The following TRPV1 variants were observed in gnomAD, a reference collection of about 807,000 sequenced individuals.
TRPV1 encodes the protein OTRPC1.
In TRPV1, 82 loss-of-function variants were observed where a neutral mutation model predicts 82.3. The observed-to-expected ratio is 1.00, with a 90% confidence interval of 0.83 to 1.20. The LOEUF is 1.20. Among genes scored for constraint, TRPV1 ranks in the 50% most tolerant of loss-of-function variants. The pLI, the probability that TRPV1 is intolerant of heterozygous loss-of-function variation, is 0.00. For missense variants in TRPV1, 1,067 were observed against 1,096.8 expected, an observed-to-expected ratio of 0.97 and a Z score of 0.38; for synonymous variants, 515 against 467.7, an observed-to-expected ratio of 1.10 and a Z score of -1.30.
At chr17:3,605,268 C>T (rs745315523) in intron 2 of TRPV1, among the ~76,000 whole-genome samples, 2 of 152,148 alleles carry the variant, frequency 1.3e-5, no homozygotes, top group South Asian at 2.1e-4. Flanking sequence ...CAGCACTTTC[C>T]GAGGCCGAGG....
chr17:3,581,245 G>C (rs906901621), intron 10 of TRPV1, among the ~76,000 whole-genome samples: 1 of 151,944 alleles, frequency 6.6e-6, no homozygotes, highest in African/African-American at 2.4e-5. Flanking sequence ...GATTACAAGC[G>C]TGAGCCACCT....
intron 2 of TRPV1, 82 bp from the exon 3 acceptor site, chr17:3,592,465 G>T: frequency 2.2e-6 from 3 of 1,363,608 alleles, no homozygotes; most frequent in Non-Finnish European, 2.9e-6. Context: ...CTTGCCAAGG[G>T]CCCTGTGAAG....
chr17:3,574,480 T>C (rs1348175009), intron 13 of TRPV1, among the ~76,000 whole-genome samples: 1 of 152,152 alleles, frequency 6.6e-6, no homozygotes, highest in East Asian at 1.9e-4. Flanking sequence ...ATGCAGGGCC[T>C]TCAGATCCAG....
intron 2 of TRPV1, among the ~76,000 whole-genome samples, chr17:3,593,980 T>C (rs1461802661): frequency 6.6e-6 from 1 of 151,492 alleles, no homozygotes; most frequent in East Asian, 1.9e-4. Flanking sequence ...ATACAAAAAT[T>C]AGCCGGGCGT....
At chr17:3,589,428 C>T (rs2075125986) in intron 7 of TRPV1, among the ~76,000 whole-genome samples, 1 of 152,066 alleles carries the variant, frequency 6.6e-6, no homozygotes, top group African/African-American at 2.4e-5. Flanking sequence ...TCTCGAACTC[C>T]TAACCTCAGG....
chr17:3,593,081 CGTGTGTGTGTGTGTGT>C (rs57419633), intron 2 of TRPV1, among the ~76,000 whole-genome samples: 39,332 of 112,296 alleles, frequency 0.35, 6,258 homozygotes, highest in Non-Finnish European at 0.41. Flanking sequence ...AATGTTTAGG[CGTGTGTGTGTGTGTGT>C]GTGTGTGTGT....
At position 3,590,002 on chromosome 17, in the gene TRPV1, C is replaced by T. The variant is rs540881344; in HGVS notation, c.849G>A (p.Ser283=). The change falls in exon 7 of 17, where the codon TCG becomes TCA. Residue 283 remains serine, a synonymous_variant. Transcript: ENST00000572705. ...WQTADISARD[S]VGNTVLHALV... is the part of the protein sequence containing the mutation. ...GGGCGTGCAGCACCGTGTTGCCCAC[C>T]GAGTCCCTGGCGCTGATGTCGGCCG... The T allele has an allele frequency of 1.3e-5, 20 of 1,561,242 alleles. No individual in the cohort carries two copies. The highest frequency in any genetic ancestry group is 9.7e-5 in the East Asian group (4 of 41,408).
At position 3,583,820 on chromosome 17, in the gene TRPV1, T is replaced by C. The variant is rs576871366; in HGVS notation, c.1384-390A>G. Among the ~76,000 whole-genome samples, 7 of 152,282 alleles carry C rather than the reference T, an allele frequency of 4.6e-5. No homozygotes were observed. In the South Asian group the frequency reaches 1.5e-3, roughly 32 times the overall value. On this transcript the variant is annotated intron_variant, in intron 9 of 16. Coordinates refer to ENST00000572705, the MANE Select transcript of TRPV1 (RefSeq NM_080704.4). The stretch of plus-strand genomic sequence containing the variant: ...GCCCATGGCCAGTCTCCCACGAGTG[T>C]CAGGGACTCCCACTGACCATGGAGG...
At chr17:3,570,455 A>C (rs1436330503) in intron 16 of TRPV1, among the ~76,000 whole-genome samples, 2 of 152,148 alleles carry the variant, frequency 1.3e-5, no homozygotes, top group East Asian at 3.8e-4. Context: ...ACTAAACTGT[A>C]CACTTCAAAA....
At chr17:3,604,352 C>T (rs1468767386) in intron 2 of TRPV1, among the ~76,000 whole-genome samples, 1 of 152,138 alleles carries the variant, frequency 6.6e-6, no homozygotes, top group Non-Finnish European at 1.5e-5. Flanking sequence ...AATCCCAGCA[C>T]TTTGGGAGGC....
intron 16 of TRPV1, among the ~76,000 whole-genome samples, chr17:3,570,990 G>T (rs1597510445): frequency 1.3e-5 from 2 of 152,180 alleles, no homozygotes; most frequent in East Asian, 3.9e-4. Flanking sequence ...GTGCTGGGAT[G>T]ACAGGCGTGA....
chr17:3,591,056 TTC>T lies in TRPV1; in HGVS notation c.510_511del (p.Asn171HisfsTer67). ...CTCCAGGAGCAGGGGGATGGTGGTGTTCTGTCCGTCGTGCAGGTTGAGCATGG... is the reference window on the plus strand; with the variant it reads ...CTCCAGGAGCAGGGGGATGGTGGTGTTGTCCGTCGTGCAGGTTGAGCATGG... On this transcript the variant is annotated frameshift_variant, in exon 5 of 17. Transcript: ENST00000572705. LOFTEE classifies it high-confidence loss of function. The T allele has an allele frequency of 6.2e-7, 1 of 1,613,174 alleles. No homozygotes were observed. Among genetic ancestry groups the T allele is most frequent in the Non-Finnish European group, 8.5e-7 (1 of 1,179,644 alleles).
intron 13 of TRPV1, among the ~76,000 whole-genome samples, chr17:3,575,444 C>T (rs2074917337): frequency 6.6e-6 from 1 of 151,362 alleles, no homozygotes; most frequent in African/African-American, 2.4e-5. Flanking sequence ...GATGGCACCA[C>T]TGCATGCCAG....
rs141223305 is a variant in TRPV1 at position 3,575,201 on chromosome 17, C to G, written c.1781-1246G>C. Among the ~76,000 whole-genome samples the G allele has an allele frequency of 2.1e-3, 313 of 151,938 alleles. 3 individuals carry two copies. The highest frequency in any genetic ancestry group is 7.3e-3 in the African/African-American group (301 of 41,468). On this transcript the variant is annotated intron_variant, in intron 13 of 16. Coordinates refer to ENST00000572705, the MANE Select transcript of TRPV1 (RefSeq NM_080704.4). ...AATGATGGAGTTAGAAGATCATCTT[C>G]TCTGGGTGTGGTGGCTCATGCCTGT...
chr17:3,595,308 C>G (rs1393929946), intron 2 of TRPV1, among the ~76,000 whole-genome samples: 1 of 152,166 alleles, frequency 6.6e-6, no homozygotes, highest in East Asian at 1.9e-4. Flanking sequence ...CGAGGTCACA[C>G]AGTCAGAGAT....
At chr17:3,598,767 T>C (rs934803576) in intron 2 of TRPV1, among the ~76,000 whole-genome samples, 1 of 151,158 alleles carries the variant, frequency 6.6e-6, no homozygotes, top group African/African-American at 2.4e-5. Context: ...GGTTTCACCA[T>C]GTTGGTCAGG....
intron 16 of TRPV1, among the ~76,000 whole-genome samples, chr17:3,568,709 A>G (rs1374564955): frequency 1.3e-5 from 2 of 152,166 alleles, no homozygotes; most frequent in Non-Finnish European, 2.9e-5. Flanking sequence ...AGTCCCTCAA[A>G]TAACACCAAC....
intron 10 of TRPV1, 105 bp downstream of exon 10, chr17:3,583,227 GTAGGGC>G (rs1567665614): frequency 2.1e-6 from 2 of 955,288 alleles, no homozygotes; most frequent in African/African-American, 3.3e-5. Context: ...AGCTCCCCAA[GTAGGGC>G]TATGATGTGT....
At position 3,585,830 on chromosome 17, in the gene TRPV1, C is replaced by T; in HGVS notation, c.1321G>A (p.Val441Ile). The T allele has an allele frequency of 1.9e-6, 3 of 1,613,922 alleles. No homozygotes were observed. The highest frequency in any genetic ancestry group is 1.7e-5 in the Admixed American group (1 of 59,988). ...VKRIFYFNFLVYCLYMIIFTM... is the reference protein window; with the variant it reads ...VKRIFYFNFLIYCLYMIIFTM... ...AAGATGATCATGTACAGGCAGTAGACCAGGAAGTTGAAGTAGAAGATGCGC... is the reference window on the plus strand; with the variant it reads ...AAGATGATCATGTACAGGCAGTAGATCAGGAAGTTGAAGTAGAAGATGCGC... The change falls in exon 9 of 17, where the codon GTC becomes ATC. Residue 441 changes from valine to isoleucine, a missense_variant. By Grantham distance (29) the Val-to-Ile change is conservative (BLOSUM62 3). Transcript: ENST00000572705.
Sources: gnomAD v4.1 joint callset for allele counts (sites outside exome capture counted in the v4.1 genomes callset) on GRCh38, gnomAD v4.1.1 for gene constraint, MANE v1.5 for transcripts, NCBI Gene and HGNC (gene_info 2026-07-23, HGNC 2026-07-21) for gene names.